GMDS: variants seen among roughly 807,000 people sequenced by gnomAD.
GMDS encodes the protein GDP-mannose 4,6 dehydratase.
In GMDS, 20 loss-of-function variants were observed where a neutral mutation model predicts 49.9. That is an observed-to-expected ratio of 0.40 (90% CI 0.28 to 0.58). GMDS has a LOEUF of 0.58. GMDS is among the 20% of genes least tolerant of loss of function. The pLI is 0.42. For synonymous variants in GMDS, 177 were observed against 178.6 expected (o/e 0.99, Z 0.07); for missense variants, 362 against 481.4 (o/e 0.75, Z 2.32).
intron 7 of GMDS, among the ~76,000 whole-genome samples, chr6:1,767,460 A>T (rs80035153): frequency 0.011 from 1,655 of 152,306 alleles, 30 homozygotes; most frequent in African/African-American, 0.038. Context: ...CATCTTTTCA[A>T]ATGTACTTCA....
intron 9 of GMDS, among the ~76,000 whole-genome samples, chr6:1,676,791 T>C (rs901855995): frequency 6.6e-6 from 1 of 152,158 alleles, no homozygotes; most frequent in Non-Finnish European, 1.5e-5. Context: ...TCAAGATGGA[T>C]TAAAGACTTA....
At chr6:1,866,387 A>G (rs1318287420) in intron 7 of GMDS, among the ~76,000 whole-genome samples, 1 of 152,290 alleles carries the variant, frequency 6.6e-6, no homozygotes, top group Non-Finnish European at 1.5e-5. Context: ...TACATTACAG[A>G]GGGGAAAAAA....
intron 7 of GMDS, among the ~76,000 whole-genome samples, chr6:1,896,792 C>A (rs1343270763): frequency 6.6e-6 from 1 of 152,190 alleles, no homozygotes; most frequent in Non-Finnish European, 1.5e-5. Context: ...CAAGTGCCAT[C>A]AAGCGTCTAC....
At chr6:2,169,393 G>A (rs1034952380) in intron 1 of GMDS, among the ~76,000 whole-genome samples, 4 of 152,072 alleles carry the variant, frequency 2.6e-5, no homozygotes, top group Non-Finnish European at 4.4e-5. Context: ...GAACACCTGA[G>A]GCCAGGAGTT....
intron 4 of GMDS, among the ~76,000 whole-genome samples, chr6:1,995,460 G>A (rs1766218298): frequency 6.6e-6 from 1 of 152,092 alleles, no homozygotes; most frequent in Admixed American, 6.5e-5. Context: ...CCAATAGAGA[G>A]TGGCTGTCCA....
intron 1 of GMDS, among the ~76,000 whole-genome samples, chr6:2,177,543 A>G (rs1041129075): frequency 6.6e-6 from 1 of 152,232 alleles, no homozygotes; most frequent in Non-Finnish European, 1.5e-5. Flanking sequence ...TTCAACATAC[A>G]CAAATCAATA....
At chr6:2,121,613 C>T (rs932444) in intron 2 of GMDS, among the ~76,000 whole-genome samples, 5,700 of 152,232 alleles carry the variant, frequency 0.037, 359 homozygotes, top group African/African-American at 0.13. Context: ...CGTGAGGTGA[C>T]ACAAAGTGAT....
intron 1 of GMDS, among the ~76,000 whole-genome samples, chr6:2,206,720 T>G (rs1230752596): frequency 6.6e-6 from 1 of 152,158 alleles, no homozygotes; most frequent in Non-Finnish European, 1.5e-5. Flanking sequence ...GCTTGGTAGG[T>G]CAAAATGTGG....
Position 1,751,610 on chromosome 6 carries a change from C to T in GMDS, c.772-9024G>A, listed in dbSNP as rs999695206. Among the ~76,000 whole-genome samples, 5 of 152,220 alleles carry T rather than the reference C, an allele frequency of 3.3e-5. No homozygotes were observed. The South Asian group carries it at 1.0e-3, about 32-fold the overall frequency. The stretch of plus-strand genomic sequence containing the variant: ...CCAAGTTCAAGCGATTCTCTTGCCT[C>T]AGCCTCCCGAGTAGTTGGGATTACA... On this transcript the variant is annotated intron_variant, in intron 7 of 10. Transcript: ENST00000380815.
At chr6:1,993,961 C>T (rs966582600) in intron 4 of GMDS, among the ~76,000 whole-genome samples, 2 of 152,196 alleles carry the variant, frequency 1.3e-5, no homozygotes, top group Non-Finnish European at 2.9e-5. Flanking sequence ...CCACTCCACA[C>T]CTCCCACCAC....
At chr6:1,928,117 G>A (rs4959618) in intron 7 of GMDS, among the ~76,000 whole-genome samples, 62,254 of 152,002 alleles carry the variant, frequency 0.41, 13,337 homozygotes, top group Middle Eastern at 0.48. Context: ...CTGTAATCCC[G>A]GCACTTTGGG....
chr6:1,889,202 G>T (rs559922610), intron 7 of GMDS, among the ~76,000 whole-genome samples: 131 of 152,060 alleles, frequency 8.6e-4, no homozygotes, highest in Non-Finnish European at 1.3e-3. Flanking sequence ...CTTTGTATGT[G>T]GCTTCCACCT....
chr6:1,819,775 AAAT>A (rs1362894873), intron 7 of GMDS, among the ~76,000 whole-genome samples: 1,319 of 99,898 alleles, frequency 0.013, 6 homozygotes, highest in Middle Eastern at 0.029. Flanking sequence ...AAAAAAAAAA[AAAT>A]ATATATATAT....
At chr6:1,966,790 A>C (rs1764284088) in intron 4 of GMDS, among the ~76,000 whole-genome samples, 1 of 152,126 alleles carries the variant, frequency 6.6e-6, no homozygotes, top group Non-Finnish European at 1.5e-5. Context: ...CCTGTCTGTA[A>C]ATAGCACCCA....
chr6:1,813,895 A>G (rs945971796), intron 7 of GMDS, among the ~76,000 whole-genome samples: 3 of 152,206 alleles, frequency 2.0e-5, no homozygotes, highest in African/African-American at 7.2e-5. Context: ...GCTTAACATA[A>G]ACAGTAATAT....
intron 7 of GMDS, among the ~76,000 whole-genome samples, chr6:1,827,214 C>T (rs1054213396): frequency 1.9e-4 from 28 of 151,008 alleles, no homozygotes; most frequent in African/African-American, 5.1e-4. Context: ...GATACACACT[C>T]GCTTCAAGGG....
At chr6:2,109,126 T>A (rs1246827289) in intron 4 of GMDS, among the ~76,000 whole-genome samples, 1 of 152,098 alleles carries the variant, frequency 6.6e-6, no homozygotes, top group Admixed American at 6.6e-5. Flanking sequence ...CCTGAGCCCA[T>A]CCATTTCTCT....
chr6:2,212,581 G>A (rs1197488475), intron 1 of GMDS, among the ~76,000 whole-genome samples: 1 of 151,910 alleles, frequency 6.6e-6, no homozygotes, highest in Non-Finnish European at 1.5e-5. Flanking sequence ...TGTTTTGCAA[G>A]GGAATAAAAA....
chr6:1,743,937 A>G (rs908041056), intron 7 of GMDS, among the ~76,000 whole-genome samples: 5 of 152,192 alleles, frequency 3.3e-5, no homozygotes, highest in Non-Finnish European at 4.4e-5. Context: ...ACAGCCTCCA[A>G]TGATATGTGC....
Sources: allele counts gnomAD v4.1 joint callset (sites outside exome capture counted in the v4.1 genomes callset), GRCh38; gene constraint gnomAD v4.1.1; transcripts MANE v1.5; gene names NCBI Gene and HGNC (gene_info 2026-07-23, HGNC 2026-07-21).